Variants in NPR3 observed in about 807,000 individuals in gnomAD.
The protein encoded by NPR3 is natriuretic peptide receptor 3.
NPR3 carries 34 observed loss-of-function variants against 54.5 expected under a neutral mutation model. The observed-to-expected ratio is 0.62, with a 90% CI of 0.47 to 0.83. The LOEUF is 0.83. Ranked by LOEUF, NPR3 falls within the 40% of genes least tolerant of loss-of-function variation. The pLI is 0.00. For missense variants in NPR3, 674 were observed against 720.8 expected, an observed-to-expected ratio of 0.94 and a Z score of 0.74; for synonymous variants, 289 against 297.1, an observed-to-expected ratio of 0.97 and a Z score of 0.28.
At chr5:32,693,966 C>T (rs1740463428) in intron 1 of NPR3, among the ~76,000 whole-genome samples, 1 of 152,218 alleles carries the variant, frequency 6.6e-6, no homozygotes, top group African/African-American at 2.4e-5. Flanking sequence ...CCTTGCATAG[C>T]CACTTTTATT....
chr5:32,706,751 G>A (rs1236601142), upstream of NPR3, among the ~76,000 whole-genome samples: 1 of 151,952 alleles, frequency 6.6e-6, no homozygotes, highest in Non-Finnish European at 1.5e-5. Context: ...TTTGTTTCCT[G>A]ATCTTAAATA....
At chr5:32,728,465 G>A (rs373660600) in intron 2 of NPR3, among the ~76,000 whole-genome samples, 237 of 137,348 alleles carry the variant, frequency 1.7e-3, no homozygotes, top group Non-Finnish European at 2.0e-3. Context: ...CTCTATCTCA[G>A]AAAAAAAAAA....
intron 3 of NPR3, among the ~76,000 whole-genome samples, chr5:32,740,970 G>A: frequency 6.6e-6 from 1 of 151,974 alleles, no homozygotes; most frequent in South Asian, 2.1e-4. Context: ...TCCTTCAGTA[G>A]TGCTGCTAAA....
chr5:32,741,905 T>G (rs1451161755), intron 3 of NPR3, among the ~76,000 whole-genome samples: 1 of 151,952 alleles, frequency 6.6e-6, no homozygotes, highest in Admixed American at 6.6e-5. Context: ...TGGGCTGTTG[T>G]GAACACCAGC....
intron 3 of NPR3, among the ~76,000 whole-genome samples, chr5:32,753,969 A>T (rs1438644728): frequency 6.6e-6 from 1 of 152,182 alleles, no homozygotes; most frequent in Non-Finnish European, 1.5e-5. Flanking sequence ...ACTTTAGATC[A>T]TTTGACAGGA....
chr5:32,716,995 A>G (rs1303349945), intron 1 of NPR3, among the ~76,000 whole-genome samples: 1 of 13,300 alleles, frequency 7.5e-5, no homozygotes, highest in African/African-American at 2.8e-4. Context: ...TCCATCCCCC[A>G]ACCCCCCCAC....
chr5:32,701,877 C>A (rs182883899), intron 1 of NPR3, among the ~76,000 whole-genome samples: 1 of 152,328 alleles, frequency 6.6e-6, no homozygotes, highest in East Asian at 1.9e-4. Flanking sequence ...GCCAAACAAA[C>A]GGAGTCTCTC....
upstream of NPR3, among the ~76,000 whole-genome samples, chr5:32,707,141 C>T (rs554125227): frequency 8.5e-5 from 13 of 152,142 alleles, no homozygotes; most frequent in East Asian, 2.5e-3. Context: ...TCTAATGTCA[C>T]TTTGCCTCAG....
chr5:32,762,382 A>G (rs1741222925), intron 3 of NPR3, among the ~76,000 whole-genome samples: 1 of 151,228 alleles, frequency 6.6e-6, no homozygotes, highest in African/African-American at 2.4e-5. Context: ...GTCTTCCACA[A>G]TGGTTGAACT....
At chr5:32,710,501 C>A, upstream of NPR3, 1 of 731,464 alleles carries the variant, frequency 1.4e-6, no homozygotes, top group Non-Finnish European at 2.0e-6. Flanking sequence ...CTTTCCTGCT[C>A]TCAGTGCGCT....
chr5:32,724,035 A>C (rs1739006371), intron 1 of NPR3, among the ~76,000 whole-genome samples: 1 of 152,170 alleles, frequency 6.6e-6, no homozygotes, highest in Admixed American at 6.5e-5. Context: ...TTTACCCCTA[A>C]ACATTCAACT....
At chr5:32,754,027 G>C (rs998584425) in intron 3 of NPR3, among the ~76,000 whole-genome samples, 5 of 152,222 alleles carry the variant, frequency 3.3e-5, no homozygotes, top group Admixed American at 6.5e-5. Context: ...TGGAAGAAGA[G>C]AGACTGACAG....
At chr5:32,725,205 A>G (rs1156444819) in intron 2 of NPR3, among the ~76,000 whole-genome samples, 2 of 152,196 alleles carry the variant, frequency 1.3e-5, no homozygotes, top group Non-Finnish European at 2.9e-5. Flanking sequence ...AAACCCCAGC[A>G]TCACGCAATA....
intron 1 of NPR3, among the ~76,000 whole-genome samples, chr5:32,712,807 T>G (rs993789496): frequency 2.0e-5 from 3 of 152,172 alleles, no homozygotes; most frequent in Non-Finnish European, 1.5e-5. Flanking sequence ...GTCCAACAGG[T>G]GCTGTCAAAC....
At chr5:32,731,960 G>T (rs144480522) in intron 2 of NPR3, among the ~76,000 whole-genome samples, 1 of 151,990 alleles carries the variant, frequency 6.6e-6, no homozygotes, top group South Asian at 2.1e-4. Context: ...ATCCATTCTC[G>T]GCCGGGCGCG....
chr5:32,750,054 T>C (rs931854889), intron 3 of NPR3, among the ~76,000 whole-genome samples: 3 of 152,206 alleles, frequency 2.0e-5, no homozygotes, highest in African/African-American at 7.2e-5. Context: ...CTTTGCTTCT[T>C]GTTGGAGTTC....
At chr5:32,774,176 C>T (rs536548397) in intron 3 of NPR3, among the ~76,000 whole-genome samples, 1 of 152,314 alleles carries the variant, frequency 6.6e-6, no homozygotes, top group East Asian at 1.9e-4. Context: ...AAATGCTAGG[C>T]AGACAGGCAG....
In NPR3 at chr5:32,711,876, G is replaced by T. The variant is rs910787869; in HGVS notation, c.100G>T (p.Gly34Cys). The T allele has an allele frequency of 6.1e-6, 9 of 1,464,850 alleles. No individual in the cohort carries two copies. Among genetic ancestry groups the T allele is most frequent in the Admixed American group, 5.6e-5 (2 of 35,412 alleles). 90.7% of individuals were successfully genotyped at this position (1,464,850 alleles called of 1,614,324 possible). The change falls in exon 1 of 8, where the codon GGT (glycine) becomes TGT (cysteine). Residue 34 changes from glycine to cysteine, a missense_variant. By Grantham distance (159) the Gly-to-Cys change is radical. Coordinates refer to ENST00000265074, the MANE Select transcript of NPR3 (RefSeq NM_001204375.2). Reference protein sequence around the residue: ...TGGGGVGGGGGGAGIGGGRQE... With the variant: ...TGGGGVGGGGCGAGIGGGRQE... The stretch of plus-strand genomic sequence containing the variant: ...TGGCGGTGGCGTTGGCGGCGGCGGC[G>T]GTGGCGCGGGCATAGGCGGCGGACG...
chr5:32,767,589 A>G (rs1358340161), intron 3 of NPR3, among the ~76,000 whole-genome samples: 2 of 152,188 alleles, frequency 1.3e-5, no homozygotes, highest in Non-Finnish European at 2.9e-5. Flanking sequence ...AAGGAAGGCT[A>G]CTGTTCTGTG....
Sources: gnomAD v4.1 joint callset for allele counts (sites outside exome capture counted in the v4.1 genomes callset) on GRCh38, gnomAD v4.1.1 for gene constraint, MANE v1.5 for transcripts, NCBI Gene and HGNC (gene_info 2026-07-23, HGNC 2026-07-21) for gene names.